The following GCLM variants were observed in gnomAD, a reference collection of about 807,000 sequenced individuals.
The protein encoded by GCLM is glutamate-cysteine ligase modifier subunit, also known as glutamate--cysteine ligase regulatory subunit.
A neutral mutation model predicts 36.0 loss-of-function variants in GCLM; 15 were observed. The observed-to-expected ratio is 0.42, with a 90% CI of 0.28 to 0.64. The LOEUF (loss-of-function observed/expected upper bound fraction) is 0.64, where lower values mean the gene tolerates loss of function less well. Ranked by LOEUF, GCLM falls within the 30% of genes least tolerant of loss-of-function variation. The probability of loss-of-function intolerance (pLI) is 0.25; values close to 1 mark genes in which losing one functional copy is unlikely to be tolerated. For synonymous variants in GCLM, 129 were observed against 122.8 expected (o/e 1.05, Z -0.34); for missense variants, 242 against 325.5 (o/e 0.74, Z 1.97).
intron 6 of GCLM, among the ~76,000 whole-genome samples, chr1:93,890,392 TTATA>T (rs1231540698): frequency 6.6e-6 from 1 of 152,090 alleles, no homozygotes; most frequent in Non-Finnish European, 1.5e-5. Context: ...TGTATAGACT[TTATA>T]TAATACATTT....
chr1:93,908,910 GC>G, intron 1 of GCLM, 127 bp downstream of exon 1: 1 of 702,414 alleles, frequency 1.4e-6, no homozygotes, highest in Non-Finnish European at 2.0e-6. Flanking sequence ...CTGACCGCGG[GC>G]GGAGCCCAGG....
chr1:93,908,931 G>T, intron 1 of GCLM, 107 bp downstream of exon 1: 1 of 903,282 alleles, frequency 1.1e-6, no homozygotes, highest in Non-Finnish European at 1.5e-6. Flanking sequence ...GTGCGCGCGA[G>T]GCCCTGCCAC....
intron 3 of GCLM, among the ~76,000 whole-genome samples, chr1:93,898,135 ATATT>A (rs980761234): frequency 1.3e-5 from 2 of 152,026 alleles, no homozygotes; most frequent in Admixed American, 6.6e-5. Context: ...CAAAAAGTAA[ATATT>A]TATTTCCCAT....
At chr1:93,899,364 C>T (rs762815857) in intron 3 of GCLM, among the ~76,000 whole-genome samples, 2 of 152,124 alleles carry the variant, frequency 1.3e-5, no homozygotes, top group Admixed American at 6.5e-5. Context: ...TGAGCCACTG[C>T]GCCCAGCCAA....
chr1:93,903,463 A>C (rs919952036), intron 2 of GCLM, among the ~76,000 whole-genome samples: 4 of 144,212 alleles, frequency 2.8e-5, no homozygotes, highest in Admixed American at 7.0e-5. Context: ...GGCGGGTACC[A>C]CCACGCCTGG....
intron 1 of GCLM, among the ~76,000 whole-genome samples, chr1:93,906,036 T>C (rs984485391): frequency 6.6e-6 from 1 of 152,232 alleles, no homozygotes; most frequent in Non-Finnish European, 1.5e-5. Context: ...GACACTAAAC[T>C]TCTGAACTAT....
intron 6 of GCLM, among the ~76,000 whole-genome samples, chr1:93,894,183 G>A (rs990136054): frequency 6.6e-6 from 1 of 152,010 alleles, no homozygotes; most frequent in African/African-American, 2.4e-5. Flanking sequence ...GCTTGAGTCC[G>A]GGAGGTGGAG....
intron 1 of GCLM, chr1:93,908,695 T>G: frequency 5.6e-6 from 1 of 179,530 alleles, no homozygotes; most frequent in Non-Finnish European, 1.2e-5. Context: ...AAGCGAGAGA[T>G]GTGGAGAGAG....
Position 93,894,742 on chromosome 1 carries a change from T to C in GCLM, c.541-14A>G. On this transcript the variant is annotated splice_polypyrimidine_tract_variant and intron_variant, in intron 5 of 6. Transcript: ENST00000370238. ...ATTTGGTTTTACCTAGAAGTGAAAA[T>C]AAAATCATGATATCACTACTAAATT... 2 of 1,229,772 alleles carry C rather than the reference T, an allele frequency of 1.6e-6. No individual in the cohort carries two copies. The highest frequency in any genetic ancestry group is 1.2e-5 in the South Asian group (1 of 82,810). 76.2% of individuals were successfully genotyped at this position (1,229,772 alleles called of 1,614,324 possible).
chr1:93,889,084 G>T lies in GCLM; in HGVS notation c.731C>A (p.Pro244Gln). 6.2e-7 allele frequency: 1 copy of T among 1,601,596 alleles called. No homozygotes were observed. Among genetic ancestry groups the T allele is most frequent in the Non-Finnish European group, 8.5e-7 (1 of 1,173,968 alleles). ...IPDIQAHEWV[P>Q]LWLLRYSVIV... The stretch of plus-strand genomic sequence containing the variant: ...GACCGAATACCGCAGTAGCCACAGC[G>T]GCACCCACTCGTGCGCTTGAATGTC... Residue 244 changes from proline to glutamine, a missense_variant, in exon 7 of 7, where the codon CCG becomes CAG. Pro to Gln is a moderately conservative substitution (Grantham distance 76). Transcript: ENST00000370238.
intron 1 of GCLM, among the ~76,000 whole-genome samples, chr1:93,904,895 C>G (rs772396695): frequency 2.6e-5 from 4 of 151,982 alleles, no homozygotes; most frequent in Non-Finnish European, 4.4e-5. Flanking sequence ...ATTCATAGGC[C>G]AGGTATAGTG....
chr1:93,909,308 G>A lies in GCLM; in HGVS notation c.-145C>T, dbSNP rs1657274364. 5.8e-6 allele frequency: 6 copies of A among 1,042,666 alleles called. No individual in the cohort carries two copies. The highest frequency in any genetic ancestry group is 6.9e-6 in the Non-Finnish European group (6 of 868,606). The allele number at this position is 1,042,666 out of a possible 1,614,324, so 64.6% of individuals were successfully genotyped here. A position where few individuals can be genotyped will look rare whatever the true frequency, so the allele number is the denominator to read the frequency against. ...TGCCGGCGCCGCGCGGCTGGAGCCTGGTCTGCGCTCGGGCCCGAGGGAGGC... is the reference window on the plus strand; with the variant it reads ...TGCCGGCGCCGCGCGGCTGGAGCCTAGTCTGCGCTCGGGCCCGAGGGAGGC... On this transcript the variant is annotated 5_prime_UTR_variant, in exon 1 of 7. Transcript: ENST00000370238.
chr1:93,908,949 C>T, intron 1 of GCLM, 89 bp downstream of exon 1: 3 of 1,107,934 alleles, frequency 2.7e-6, no homozygotes, highest in South Asian at 2.2e-5. Context: ...CACCCTCCCT[C>T]GCCCGCGGGC....
At chr1:93,904,045 T>C (rs1245498518) in intron 2 of GCLM, among the ~76,000 whole-genome samples, 2 of 152,214 alleles carry the variant, frequency 1.3e-5, no homozygotes, top group Admixed American at 6.5e-5. Flanking sequence ...CTGTGAGCCT[T>C]TGACTGAGTT....
intron 1 of GCLM, among the ~76,000 whole-genome samples, 195 bp from the exon 2 acceptor site, chr1:93,904,783 C>G (rs1480671073): frequency 6.6e-6 from 1 of 152,232 alleles, no homozygotes; most frequent in East Asian, 1.9e-4. Context: ...TTTCATCCTA[C>G]TCTTGTTTCT....
Position 93,898,653 on chromosome 1 carries a change from G to T in GCLM, c.278-755C>A, listed in dbSNP as rs72723184. ...CCACAATTTTTTTTTTTGAGACAGG[G>T]TCTCACTTTCATCCAGGCTGGAGTG... On this transcript the variant is annotated intron_variant, in intron 3 of 6. Transcript: ENST00000370238. 8.6e-3 allele frequency among the ~76,000 whole-genome samples: 1,311 copies of T among 151,992 alleles called. 10 individuals carry two copies. The highest frequency in any genetic ancestry group is 0.013 in the Non-Finnish European group (889 of 67,990).
At chr1:93,892,795 C>T (rs1319171269) in intron 6 of GCLM, among the ~76,000 whole-genome samples, 1 of 152,060 alleles carries the variant, frequency 6.6e-6, no homozygotes, top group Non-Finnish European at 1.5e-5. Flanking sequence ...TACTTCCTTT[C>T]CTACTAGTAA....
At position 93,887,436 on chromosome 1, in the gene GCLM, A is replaced by AT. The variant is rs1656356996; in HGVS notation, c.*1553dup. ...AGAAAACTTGAGCAAAATTAGTTTT[A>AT]TTTAGGCCTGTGGTTTAAAAATATT... is the stretch of plus-strand genomic sequence containing the variant. On this transcript the variant is annotated 3_prime_UTR_variant, in exon 7 of 7. Transcript: ENST00000370238. The AT allele has an allele frequency of 6.6e-6, 1 of 150,634 alleles. No individual in the cohort carries two copies. Among genetic ancestry groups the AT allele is most frequent in the Non-Finnish European group, 1.5e-5 (1 of 67,602 alleles). 9.3% of individuals were successfully genotyped at this position (150,634 alleles called of 1,614,324 possible). A position where few individuals can be genotyped will look rare whatever the true frequency, so the allele number is the denominator to read the frequency against.
intron 1 of GCLM, among the ~76,000 whole-genome samples, chr1:93,907,100 A>G (rs1218011177): frequency 6.6e-6 from 1 of 152,216 alleles, no homozygotes; most frequent in Non-Finnish European, 1.5e-5. Flanking sequence ...TCTTCAGTGA[A>G]GCGGAACTGT....
Sources: allele counts gnomAD v4.1 joint callset (sites outside exome capture counted in the v4.1 genomes callset), GRCh38; gene constraint gnomAD v4.1.1; transcripts MANE v1.5; gene names NCBI Gene and HGNC (gene_info 2026-07-23, HGNC 2026-07-21).